GPM6A: variants seen among roughly 807,000 people sequenced by gnomAD.
The protein encoded by GPM6A is neuronal membrane glycoprotein M6-a.
In GPM6A, 7 loss-of-function variants were observed where a neutral mutation model predicts 32.1. The ratio of observed to expected loss-of-function variants is 0.22; its 90% CI spans 0.12 to 0.41. The LOEUF (loss-of-function observed/expected upper bound fraction) is 0.41, where lower values mean the gene tolerates loss of function less well. Among genes scored for constraint, GPM6A ranks in the 10% least tolerant of loss-of-function variants. The pLI, the probability that GPM6A is intolerant of heterozygous loss-of-function variation, is 1.00. For missense variants in GPM6A, 235 were observed against 347.2 expected (o/e 0.68, Z 2.57); for synonymous variants, 130 against 123.4 (o/e 1.05, Z -0.35).
intron 1 of GPM6A, among the ~76,000 whole-genome samples, chr4:175,994,323 T>C (rs1489633006): frequency 6.6e-6 from 1 of 152,174 alleles, no homozygotes; most frequent in African/African-American, 2.4e-5. Flanking sequence ...AAGAGGTAGC[T>C]CTTGGTAATA....
At chr4:175,640,575 G>T (rs926816308) in intron 5 of GPM6A, among the ~76,000 whole-genome samples, 178 bp downstream of exon 5, 1 of 152,104 alleles carries the variant, frequency 6.6e-6, no homozygotes, top group African/African-American at 2.4e-5. Flanking sequence ...ATTGAAATAT[G>T]CAGAGCATCT....
intron 1 of GPM6A, among the ~76,000 whole-genome samples, chr4:175,968,623 GA>G (rs1740403421): frequency 6.6e-6 from 1 of 152,032 alleles, no homozygotes; most frequent in Admixed American, 6.5e-5. Context: ...CAATAAATCT[GA>G]CCTAACATCT....
intron 1 of GPM6A, among the ~76,000 whole-genome samples, chr4:176,001,836 G>A (rs1366960781): frequency 6.6e-6 from 1 of 152,236 alleles, no homozygotes; most frequent in African/African-American, 2.4e-5. Context: ...GTTTTAGGAA[G>A]TTTCCATTTC....
intron 1 of GPM6A, among the ~76,000 whole-genome samples, chr4:175,830,356 T>C (rs1292972463): frequency 6.6e-6 from 1 of 152,194 alleles, no homozygotes; most frequent in African/African-American, 2.4e-5. Flanking sequence ...AATACACGAA[T>C]GCTATTCACA....
At chr4:175,806,785 A>G (rs566709029) in intron 1 of GPM6A, 9 of 152,372 alleles carry the variant, frequency 5.9e-5, no homozygotes, top group African/African-American at 2.2e-4. Flanking sequence ...GCACAATGCT[A>G]GTAAAAGCAC....
chr4:175,959,659 T>C (rs1358151007), intron 1 of GPM6A, among the ~76,000 whole-genome samples: 2 of 152,166 alleles, frequency 1.3e-5, no homozygotes, highest in African/African-American at 4.8e-5. Flanking sequence ...GAGTCAATTA[T>C]TGAAATTCAC....
Position 175,676,038 on chromosome 4 carries a change from TAGTG to T in GPM6A, c.231-2206_231-2203del, listed in dbSNP as rs1164443867. On this transcript the variant is annotated intron_variant, in intron 2 of 6. Coordinates refer to ENST00000393658, the MANE Select transcript of GPM6A (RefSeq NM_201591.3). ...GGTTACCTCCATGTTGTTCTTGTGA[TAGTG>T]AGTGAGTTCTCGTGAGATCTGATGG... 5.3e-5 allele frequency among the ~76,000 whole-genome samples: 8 copies of T among 152,198 alleles called. No homozygotes were observed. In the East Asian group the frequency reaches 1.2e-3, roughly 22 times the overall value.
intron 1 of GPM6A, among the ~76,000 whole-genome samples, chr4:175,947,945 G>T (rs1233279857): frequency 2.0e-5 from 3 of 152,094 alleles, no homozygotes; most frequent in Non-Finnish European, 2.9e-5. Context: ...ATTCATATAT[G>T]AATAAAAAGA....
intron 1 of GPM6A, among the ~76,000 whole-genome samples, chr4:175,898,903 G>A (rs1388335985): frequency 6.6e-6 from 1 of 152,130 alleles, no homozygotes; most frequent in African/African-American, 2.4e-5. Context: ...AACACCATTT[G>A]TTCAACACCT....
Position 175,642,909 on chromosome 4 carries a change from TCTC to T in GPM6A, c.542-2083_542-2081del, listed in dbSNP as rs571308233. ...AGCATTTTAAAAAAACTTCTGCTCTTCTCCTTTGCTGGCTCCACTCCCAAGCAA... is the reference window on the plus strand; with the variant it reads ...AGCATTTTAAAAAAACTTCTGCTCTTCTTTGCTGGCTCCACTCCCAAGCAA... On this transcript the variant is annotated intron_variant, in intron 4 of 6. Coordinates refer to ENST00000393658, the MANE Select transcript of GPM6A (RefSeq NM_201591.3). Among the ~76,000 whole-genome samples, 650 of 152,278 alleles carry T rather than the reference TCTC, an allele frequency of 4.3e-3. 3 individuals are homozygous for T. The highest frequency in any genetic ancestry group is 6.2e-3 in the Non-Finnish European group (419 of 68,020).
chr4:175,895,750 ATTTTC>A (rs1553999368), intron 1 of GPM6A, among the ~76,000 whole-genome samples: 2 of 152,172 alleles, frequency 1.3e-5, no homozygotes. Context: ...GGTTTGCAAT[ATTTTC>A]CAAATTCTGT....
chr4:175,988,663 G>A lies in GPM6A; in HGVS notation c.-23+13646C>T, dbSNP rs35225344. Among the ~76,000 whole-genome samples, 731 of 152,244 alleles carry A rather than the reference G, an allele frequency of 4.8e-3. 1 individual carries two copies. Among genetic ancestry groups the A allele is most frequent in the Middle Eastern group, 0.017 (5 of 294 alleles). On this transcript the variant is annotated intron_variant, in intron 1 of 7. Coordinates refer to the GPM6A transcript ENST00000280187. ...GTGATCAAAACTGAAATTTGACCTA[G>A]AAGCTGTCATTGGTCTAAAGATGCA...
rs1005728687 is a variant in GPM6A at position 175,812,119 on chromosome 4, C to G, written c.37+72G>C. The G allele has an allele frequency of 7.1e-6, 8 of 1,129,498 alleles. No homozygotes were observed. In the Admixed American group the frequency reaches 1.7e-4, roughly 23 times the overall value. 70.0% of individuals were successfully genotyped at this position (1,129,498 alleles called of 1,614,324 possible). A position where few individuals can be genotyped will look rare whatever the true frequency, so the allele number is the denominator to read the frequency against. ...GAGAAACATTCATTAGCCTTACTGG[C>G]AAGTGTCTAAAGCAAACAAGGAAAC... On this transcript the variant is annotated intron_variant, in intron 1 of 6. Coordinates refer to ENST00000393658, the MANE Select transcript of GPM6A (RefSeq NM_201591.3).
chr4:175,741,096 T>C (rs34269113), intron 1 of GPM6A, among the ~76,000 whole-genome samples: 2,760 of 152,168 alleles, frequency 0.018, 50 homozygotes, highest in South Asian at 0.085. Flanking sequence ...TTCTCCAACG[T>C]ATTCACAGGC....
rs568750789 is a variant in GPM6A, at chr4:175,808,966, A to G, written c.37+3225T>C. Among the ~76,000 whole-genome samples, 43 of 152,124 alleles carry G rather than the reference A, an allele frequency of 2.8e-4. No homozygotes were observed. The South Asian group carries it at 8.5e-3, about 30-fold the overall frequency. On this transcript the variant is annotated intron_variant, in intron 1 of 6. Coordinates refer to ENST00000393658, the MANE Select transcript of GPM6A (RefSeq NM_201591.3). ...CCCTTGCTGTTTTCTTTTTATCTCTATACAGTTTTGTTGCTCCCTTTACTT... is the reference window on the plus strand; with the variant it reads ...CCCTTGCTGTTTTCTTTTTATCTCTGTACAGTTTTGTTGCTCCCTTTACTT...
chr4:175,635,631 C>T lies in GPM6A; in HGVS notation c.685-574G>A, dbSNP rs187465003. On this transcript the variant is annotated intron_variant, in intron 6 of 6. Transcript: ENST00000393658. ...TACATGGATTTTTTATATGTATATA[C>T]ATTCACAAAAACTGGAATAGTGCCA... 1.7e-3 allele frequency among the ~76,000 whole-genome samples: 253 copies of T among 152,188 alleles called. 2 individuals are homozygous for T. The Middle Eastern group carries it at 0.024, about 14-fold the overall frequency.
intron 3 of GPM6A, among the ~76,000 whole-genome samples, chr4:175,657,857 G>A (rs1742175516): frequency 1.3e-5 from 2 of 152,094 alleles, no homozygotes; most frequent in Non-Finnish European, 2.9e-5. Context: ...CAACACTAAG[G>A]CAGGAGAACA....
At chr4:175,820,582 C>T (rs13147695) in intron 1 of GPM6A, among the ~76,000 whole-genome samples, 1 of 148,938 alleles carries the variant, frequency 6.7e-6, no homozygotes. Context: ...CTCACTGCAA[C>T]CTCCCCTTCC....
chr4:175,638,190 C>G (rs1209483457), intron 6 of GPM6A, among the ~76,000 whole-genome samples: 1 of 151,050 alleles, frequency 6.6e-6, no homozygotes, highest in Non-Finnish European at 1.5e-5. Context: ...TTACTATTCT[C>G]AATTTTTAAT....
Sources: allele counts gnomAD v4.1 joint callset (sites outside exome capture counted in the v4.1 genomes callset), GRCh38; gene constraint gnomAD v4.1.1; transcripts MANE v1.5; gene names NCBI Gene and HGNC (gene_info 2026-07-23, HGNC 2026-07-21).